The following NR3C1 variants were observed in gnomAD, a reference collection of about 807,000 sequenced individuals.
NR3C1 encodes the protein nuclear receptor subfamily 3 group C member 1.
A neutral mutation model predicts 74.0 loss-of-function variants in NR3C1; 14 were observed. That is an observed-to-expected ratio of 0.19 (90% CI 0.12 to 0.30). The LOEUF (loss-of-function observed/expected upper bound fraction) is 0.30. Among genes scored for constraint, NR3C1 ranks in the 10% least tolerant of loss-of-function variants. The probability of loss-of-function intolerance (pLI) is 1.00; values close to 1 mark genes in which losing one functional copy is unlikely to be tolerated. For missense variants in NR3C1, 695 were observed against 909.8 expected (o/e 0.76, Z 3.04); for synonymous variants, 308 against 332.5 (o/e 0.93, Z 0.80).
At chr5:143,401,989 T>C (rs1232739347) in intron 1 of NR3C1, among the ~76,000 whole-genome samples, 3 of 152,240 alleles carry the variant, frequency 2.0e-5, no homozygotes, top group Non-Finnish European at 4.4e-5. Flanking sequence ...TTTGGGACAC[T>C]ATAGTCAAAT....
At chr5:143,356,794 T>TC (rs1831228164) in intron 2 of NR3C1, among the ~76,000 whole-genome samples, 1 of 152,160 alleles carries the variant, frequency 6.6e-6, no homozygotes, top group African/African-American at 2.4e-5. Flanking sequence ...GTGCTAATGA[T>TC]CATCAGATGT....
At position 143,320,280 on chromosome 5, in the gene NR3C1, AC is replaced by A. The variant is rs1213903867; in HGVS notation, c.1185-6113del. 5.3e-5 allele frequency among the ~76,000 whole-genome samples: 8 copies of A among 152,216 alleles called. No homozygotes were observed. In the East Asian group the frequency reaches 1.3e-3, roughly 26 times the overall value. Reference sequence around the variant, plus strand: ...AGCAGAACACATTTTATCTTATTTAACAAGCCAAAGAAAGACTGATTATTCT... The same window carrying A: ...AGCAGAACACATTTTATCTTATTTAAAAGCCAAAGAAAGACTGATTATTCT... On this transcript the variant is annotated intron_variant, in intron 2 of 8. Transcript: ENST00000394464.
intron 1 of NR3C1, among the ~76,000 whole-genome samples, chr5:143,408,698 G>C (rs866359917): frequency 6.6e-6 from 1 of 152,096 alleles, no homozygotes. Context: ...AAAGTTTGTG[G>C]TAAGTACTTC....
intron 2 of NR3C1, among the ~76,000 whole-genome samples, chr5:143,388,896 C>A (rs773946804): frequency 6.6e-6 from 1 of 152,216 alleles, no homozygotes; most frequent in Non-Finnish European, 1.5e-5. Context: ...TGACAACATG[C>A]ATGCACATAA....
In NR3C1 at chr5:143,403,191, C is replaced by T. The variant is rs1345643908; in HGVS notation, c.-14+20G>A. 1 of 985,024 alleles carries T rather than the reference C, an allele frequency of 1.0e-6. No homozygotes were observed. The highest frequency in any genetic ancestry group is 1.2e-6 in the Non-Finnish European group (1 of 829,804). The allele number at this position is 985,024 out of a possible 1,614,324, so 61.0% of individuals were successfully genotyped here. A position where few individuals can be genotyped will look rare whatever the true frequency, so the allele number is the denominator to read the frequency against. ...CGGGGGAGCGAGCGCGCCCCGGCCC[C>T]CTCCCGCCTCGCTTCTTACCTCTGG... is the stretch of plus-strand genomic sequence containing the variant. On this transcript the variant is annotated intron_variant, in intron 1 of 8. Transcript: ENST00000394464.
intron 2 of NR3C1, among the ~76,000 whole-genome samples, chr5:143,362,655 C>T (rs1188982134): frequency 1.3e-5 from 2 of 152,084 alleles, no homozygotes; most frequent in Non-Finnish European, 2.9e-5. Context: ...GCCACTGTAT[C>T]CAGCCAAAGA....
intron 2 of NR3C1, among the ~76,000 whole-genome samples, chr5:143,325,309 G>C (rs1824339236): frequency 6.6e-6 from 1 of 152,178 alleles, no homozygotes; most frequent in African/African-American, 2.4e-5. Context: ...GAGGCAAAAG[G>C]GGAAACCCCT....
intron 1 of NR3C1, among the ~76,000 whole-genome samples, chr5:143,416,670 A>C (rs1420830489): frequency 6.6e-6 from 1 of 152,144 alleles, no homozygotes; most frequent in Non-Finnish European, 1.5e-5. Context: ...GTAAAGGTCT[A>C]AAACATGGGG....
At chr5:143,333,015 A>C (rs1600054097) in intron 2 of NR3C1, 1 of 1,588,266 alleles carries the variant, frequency 6.3e-7, no homozygotes, top group Non-Finnish European at 8.5e-7. Context: ...CAACACAGTG[A>C]TTGAGGAGCA....
chr5:143,389,353 A>G (rs1173180168), intron 2 of NR3C1, among the ~76,000 whole-genome samples: 1 of 152,168 alleles, frequency 6.6e-6, no homozygotes, highest in Non-Finnish European at 1.5e-5. Context: ...GGCCTAGAAC[A>G]TGTCTTTGTA....
intron 2 of NR3C1, among the ~76,000 whole-genome samples, chr5:143,353,710 T>A (rs1489366245): frequency 1.3e-5 from 2 of 152,230 alleles, no homozygotes; most frequent in African/African-American, 4.8e-5. Context: ...TAAACAGATG[T>A]GCTGTCATCC....
chr5:143,339,296 C>T (rs1827767702), intron 2 of NR3C1, among the ~76,000 whole-genome samples: 1 of 152,172 alleles, frequency 6.6e-6, no homozygotes, highest in African/African-American at 2.4e-5. Flanking sequence ...AGCATGACCT[C>T]CCCTACTCCA....
chr5:143,341,649 C>T (rs1162682891), intron 2 of NR3C1, among the ~76,000 whole-genome samples: 1 of 151,968 alleles, frequency 6.6e-6, no homozygotes, highest in East Asian at 1.9e-4. Flanking sequence ...ATTTTTTGAC[C>T]ACCAGAAAGT....
At chr5:143,345,165 G>A (rs915083202) in intron 2 of NR3C1, among the ~76,000 whole-genome samples, 6 of 152,104 alleles carry the variant, frequency 3.9e-5, no homozygotes, top group African/African-American at 1.4e-4. Context: ...CAGGCCCCCT[G>A]GACCCTGAAC....
Position 143,320,474 on chromosome 5 carries a change from T to C in NR3C1, c.1185-6306A>G, listed in dbSNP as rs572762839. Among the ~76,000 whole-genome samples, 11 of 152,314 alleles carry C rather than the reference T, an allele frequency of 7.2e-5. No homozygotes were observed. The South Asian group carries it at 2.1e-3, about 29-fold the overall frequency. On this transcript the variant is annotated intron_variant, in intron 2 of 8. Coordinates refer to ENST00000394464, the MANE Select transcript of NR3C1 (RefSeq NM_000176.3). ...TCAAGAGAATGTTCAGTAAAGGATT[T>C]TTCAGACCTCTAAGACACCAGTGGC...
chr5:143,356,412 CA>C (rs1017544563), intron 2 of NR3C1, among the ~76,000 whole-genome samples: 26 of 152,074 alleles, frequency 1.7e-4, no homozygotes, highest in Admixed American at 1.1e-3. Flanking sequence ...CCCTGATTAT[CA>C]AGAGAAAAAT....
At chr5:143,299,741 T>C (rs1818107044) in intron 5 of NR3C1, among the ~76,000 whole-genome samples, 1 of 152,206 alleles carries the variant, frequency 6.6e-6, no homozygotes, top group South Asian at 2.1e-4. Flanking sequence ...TGTACAACTA[T>C]TATGTATTGA....
At chr5:143,335,896 T>C in intron 2 of NR3C1, among the ~76,000 whole-genome samples, 1 of 152,184 alleles carries the variant, frequency 6.6e-6, no homozygotes, top group East Asian at 1.9e-4. Context: ...AACTTTAGGG[T>C]TTATCACATG....
intron 2 of NR3C1, among the ~76,000 whole-genome samples, chr5:143,328,439 ATTACTTT>A (rs1324146265): frequency 1.3e-5 from 2 of 152,058 alleles, no homozygotes; most frequent in African/African-American, 2.4e-5. Context: ...CTTATTACTT[ATTACTTT>A]TTACTTATTA....
Sources: gnomAD v4.1 joint callset for allele counts (sites outside exome capture counted in the v4.1 genomes callset) on GRCh38, gnomAD v4.1.1 for gene constraint, MANE v1.5 for transcripts, NCBI Gene and HGNC (gene_info 2026-07-23, HGNC 2026-07-21) for gene names.